Variants in SHH observed in about 807,000 individuals in gnomAD.
SHH encodes sonic hedgehog signaling molecule.
In SHH, 3 loss-of-function variants were observed where a neutral mutation model predicts 16.6. The observed-to-expected ratio is 0.18, with a 90% CI of 0.08 to 0.47. The LOEUF is 0.47. Ranked by LOEUF, SHH falls within the 20% of genes least tolerant of loss-of-function variation. The probability of loss-of-function intolerance (pLI) is 0.98; values close to 1 mark genes in which losing one functional copy is unlikely to be tolerated. For missense variants in SHH, 499 were observed against 665.0 expected, an observed-to-expected ratio of 0.75 and a Z score of 2.75; for synonymous variants, 351 against 316.2, an observed-to-expected ratio of 1.11 and a Z score of -1.17.
In SHH at chr7:155,803,410, C is replaced by A. The variant is rs911838783; in HGVS notation, c.879G>T (p.Pro293=). The A allele has an allele frequency of 6.6e-7, 1 of 1,519,190 alleles. No individual in the cohort carries two copies. The highest frequency in any genetic ancestry group is 1.4e-5 in the African/African-American group (1 of 70,484). 94.1% of individuals were successfully genotyped at this position (1,519,190 alleles called of 1,614,324 possible). Residue 293 remains proline, a synonymous_variant, in exon 3 of 3, where the codon CCG becomes CCT. Transcript: ENST00000297261. ...GEPEASSGSG[P]PSGGALGPRA... is the part of the protein sequence containing the mutation. The stretch of plus-strand genomic sequence containing the variant: ...GAGGCCCCAGTGCGCCCCCGGAAGG[C>A]GGCCCCGAGCCCGAGGACGCCTCGG...
At position 155,806,422 on chromosome 7, in the gene SHH, C is replaced by G. The variant is rs1273765648; in HGVS notation, c.436G>C (p.Val146Leu). The G allele has an allele frequency of 6.2e-7, 1 of 1,613,844 alleles. No individual in the cohort carries two copies. Among genetic ancestry groups the G allele is most frequent in the African/African-American group, 1.3e-5 (1 of 75,068 alleles). The change falls in exon 2 of 3, where the codon GTG (valine) becomes CTG (leucine). Residue 146 changes from valine to leucine, a missense_variant. Physicochemically the swap from Val to Leu is conservative, Grantham distance 32 (BLOSUM62 1). This residue lies in a region of SHH where 114 missense variants were observed against 200.4 expected (regional missense o/e 0.57). Transcript: ENST00000297261. The part of the protein sequence containing the change: ...EESLHYEGRA[V>L]DITTSDRDRS... Reference sequence around the variant, plus strand: ...TCGCGGTCAGACGTGGTGATGTCCACTGCGCGGCCCTCGTAGTGCAGAGAC... The same window carrying G: ...TCGCGGTCAGACGTGGTGATGTCCAGTGCGCGGCCCTCGTAGTGCAGAGAC...
chr7:155,810,170 C>A (rs974781921), intron 1 of SHH, among the ~76,000 whole-genome samples: 9 of 152,240 alleles, frequency 5.9e-5, no homozygotes, highest in African/African-American at 2.2e-4. Flanking sequence ...CCTCGCTGCG[C>A]GGCTCTGTGC....
chr7:155,811,653 C>G (rs908587662), intron 1 of SHH, among the ~76,000 whole-genome samples, 170 bp downstream of exon 1: 12 of 152,246 alleles, frequency 7.9e-5, no homozygotes, highest in African/African-American at 2.9e-4. Context: ...GACCTCCATT[C>G]TCCTCCAGGA....
chr7:155,804,724 G>C (rs1395348714), intron 2 of SHH, among the ~76,000 whole-genome samples: 1 of 152,126 alleles, frequency 6.6e-6, no homozygotes, highest in African/African-American at 2.4e-5. Context: ...GCCCTCTGTC[G>C]CTCTCTGAGG....
Position 155,803,034 on chromosome 7 carries a change from C to T in SHH, c.1255G>A (p.Gly419Ser), listed in dbSNP as rs779005415. ...CCCGCACCCGGAGCGTCGGCAGCAC[C>T]TGGAGCGGTTAGGGCTACTCTGCCG... ...GGGRVALTAPGAADAPGAGAT... is the reference protein window; with the variant it reads ...GGGRVALTAPSAADAPGAGAT... The change falls in exon 3 of 3, where the codon GGT becomes AGT. Residue 419 changes from glycine (G) to serine (S), a missense_variant. Gly to Ser is a moderately conservative substitution (Grantham distance 56). Around this residue, in one of 4 missense-constraint regions of SHH, gnomAD observed 299 missense variants for 301.1 expected, o/e 0.99. Coordinates refer to ENST00000297261, the MANE Select transcript of SHH (RefSeq NM_000193.4). 1 of 1,559,998 alleles carries T rather than the reference C, an allele frequency of 6.4e-7. No homozygotes were observed. The highest frequency in any genetic ancestry group is 1.2e-5 in the South Asian group (1 of 83,954).
rs757410101 is a variant in SHH, at chr7:155,803,397, C to A, written c.892G>T (p.Ala298Ser). The A allele has an allele frequency of 3.3e-6, 5 of 1,505,798 alleles. No individual in the cohort carries two copies. The highest frequency in any genetic ancestry group is 4.4e-6 in the Non-Finnish European group (5 of 1,135,942). The allele number at this position is 1,505,798 out of a possible 1,614,324, so 93.3% of individuals were successfully genotyped here. A position where few individuals can be genotyped will look rare whatever the true frequency, so the allele number is the denominator to read the frequency against. ...SSGSGPPSGG[A>S]LGPRALFASR... ...GCGAACAGCGCCCGAGGCCCCAGTG[C>A]GCCCCCGGAAGGCGGCCCCGAGCCC... The change falls in exon 3 of 3, where the codon GCA becomes TCA. Residue 298 changes from alanine (A) to serine (S), a missense_variant. Physicochemically the swap from Ala to Ser is moderately conservative, Grantham distance 99. Around this residue, in one of 4 missense-constraint regions of SHH, gnomAD observed 299 missense variants for 301.1 expected, o/e 0.99. Transcript: ENST00000297261.
At position 155,809,971 on chromosome 7, in the gene SHH, GC is replaced by G. The variant is rs2117148015; in HGVS notation, c.300+1851del. ...GATGCGCCCCGGCCCCTGCGCGGGC[GC>G]CCCCATCTCCGCGCCCCCGCCGCCG... is the stretch of plus-strand genomic sequence containing the variant. On this transcript the variant is annotated intron_variant, in intron 1 of 2. Transcript: ENST00000297261. This position sits in a 1 kb window ranked among gnomAD's most constrained non-coding sequence, Gnocchi z 6.1. Among the ~76,000 whole-genome samples the G allele has an allele frequency of 6.6e-6, 1 of 151,872 alleles. No homozygotes were observed. The highest frequency in any genetic ancestry group is 2.1e-4 in the South Asian group (1 of 4,830).
chr7:155,802,855 G>A lies in SHH; in HGVS notation c.*45C>T. On this transcript the variant is annotated 3_prime_UTR_variant, in exon 3 of 3. Transcript: ENST00000297261. ...CTTTTTGCTTTGCGTTGCTGTTGCT[G>A]CCCCGCCCCGCCCCCTCCCGCGCCC... is the stretch of plus-strand genomic sequence containing the variant. The A allele has an allele frequency of 2.9e-6, 2 of 683,310 alleles. No individual in the cohort carries two copies. Among genetic ancestry groups the A allele is most frequent in the Non-Finnish European group, 2.2e-6 (1 of 452,516 alleles). 42.3% of individuals were successfully genotyped at this position (683,310 alleles called of 1,614,324 possible).
rs867876758 is a variant in SHH, at chr7:155,803,238, G to A, written c.1051C>T (p.Gln351Ter). 6.6e-7 allele frequency: 1 copy of A among 1,520,840 alleles called. No individual in the cohort carries two copies. Among genetic ancestry groups the A allele is most frequent in the Non-Finnish European group, 8.8e-7 (1 of 1,141,644 alleles). The allele number at this position is 1,520,840 out of a possible 1,614,324, so 94.2% of individuals were successfully genotyped here. The change falls in exon 3 of 3, where the codon CAG (glutamine) becomes TAG (stop). Residue 351 changes from glutamine to a stop codon, truncating the protein, a stop_gained. Coordinates refer to ENST00000297261, the MANE Select transcript of SHH (RefSeq NM_000193.4). LOFTEE classifies it low-confidence loss of function (END_TRUNC). Reference sequence around the variant, plus strand: ...ACCCGGTTGATGAGAATGGTGCCCTGGGCCGTGAGCGGCGCGTAGGCGCCC... The same window carrying A: ...ACCCGGTTGATGAGAATGGTGCCCTAGGCCGTGAGCGGCGCGTAGGCGCCC... ...AAGAYAPLTA[Q>*]GTILINRVLA...
At position 155,803,341 on chromosome 7, in the gene SHH, G is replaced by A. The variant is rs1803249690; in HGVS notation, c.948C>T (p.Tyr316=). 1.4e-6 allele frequency: 2 copies of A among 1,473,768 alleles called. No homozygotes were observed. The highest frequency in any genetic ancestry group is 1.8e-6 in the Non-Finnish European group (2 of 1,121,088). 91.3% of individuals were successfully genotyped at this position (1,473,768 alleles called of 1,614,324 possible). A position where few individuals can be genotyped will look rare whatever the true frequency, so the allele number is the denominator to read the frequency against. ...GGTCCCCGTCACGCTCGGCCACCAC[G>A]TACACGCGCTGGCCCGGGCGCACGC... ...ASRVRPGQRV[Y]VVAERDGDRR... is the part of the protein sequence containing the mutation. Residue 316 remains tyrosine, a synonymous_variant, in exon 3 of 3, where the codon TAC becomes TAT. Transcript: ENST00000297261.
In SHH at chr7:155,812,267, GC is replaced by G; in HGVS notation, c.-146del. ...CCGCTCGCTCTCTCCCTCGCTGGCT[GC>G]CTCGCTCTTTCTCTTCCTATATAAC... On this transcript the variant is annotated 5_prime_UTR_variant, in exon 1 of 3. Coordinates refer to ENST00000297261, the MANE Select transcript of SHH (RefSeq NM_000193.4). The G allele has an allele frequency of 1.3e-6, 1 of 784,140 alleles. No homozygotes were observed. The highest frequency in any genetic ancestry group is 2.2e-6 in the Non-Finnish European group (1 of 460,442). 48.6% of individuals were successfully genotyped at this position (784,140 alleles called of 1,614,324 possible). A position where few individuals can be genotyped will look rare whatever the true frequency, so the allele number is the denominator to read the frequency against.
At chr7:155,803,810 C>G (rs1302085645) in intron 2 of SHH, 84 bp from the exon 3 acceptor site, 8 of 1,235,592 alleles carry the variant, frequency 6.5e-6, no homozygotes, top group Non-Finnish European at 1.1e-6. Context: ...AGGGCGCACG[C>G]TTGGTGCCCG....
At position 155,812,293 on chromosome 7, in the gene SHH, C is replaced by T; in HGVS notation, c.-171G>A. On this transcript the variant is annotated 5_prime_UTR_variant, in exon 1 of 3. Transcript: ENST00000297261. The stretch of plus-strand genomic sequence containing the variant: ...CCTCGCTCTTTCTCTTCCTATATAA[C>T]CTTGCCCGCCGCGGCTGCGGGGGAC... 3.0e-6 allele frequency: 2 copies of T among 672,910 alleles called. No individual in the cohort carries two copies. Among genetic ancestry groups the T allele is most frequent in the Admixed American group, 4.5e-5 (2 of 44,464 alleles). The allele number at this position is 672,910 out of a possible 1,614,324, so 41.7% of individuals were successfully genotyped here. A position where few individuals can be genotyped will look rare whatever the true frequency, so the allele number is the denominator to read the frequency against.
chr7:155,806,946 T>TC, intron 1 of SHH: 6 of 248,546 alleles, frequency 2.4e-5, no homozygotes, highest in East Asian at 9.2e-5. Context: ...CGCCCCCACG[T>TC]TGCCCTCCAC....
In SHH at chr7:155,807,808, T is replaced by C. The variant is rs1416202165; in HGVS notation, c.301-1251A>G. 1.3e-5 allele frequency among the ~76,000 whole-genome samples: 2 copies of C among 151,792 alleles called. No individual in the cohort carries two copies. The highest frequency in any genetic ancestry group is 2.4e-5 in the African/African-American group (1 of 41,302). On this transcript the variant is annotated intron_variant, in intron 1 of 2. Coordinates refer to ENST00000297261, the MANE Select transcript of SHH (RefSeq NM_000193.4). This position sits in a 1 kb window ranked among gnomAD's most constrained non-coding sequence, Gnocchi z 7.1. Reference sequence around the variant, plus strand: ...GCCAAGTGGAGGCCGAGGGGCAATTTCAAGGTGACTTCTGCAGAGGGCGGG... The same window carrying C: ...GCCAAGTGGAGGCCGAGGGGCAATTCCAAGGTGACTTCTGCAGAGGGCGGG...
In SHH at chr7:155,802,998, C is replaced by T; in HGVS notation, c.1291G>A (p.Gly431Ser). 1.3e-6 allele frequency: 2 copies of T among 1,567,456 alleles called. No individual in the cohort carries two copies. Among genetic ancestry groups the T allele is most frequent in the Non-Finnish European group, 1.7e-6 (2 of 1,158,854 alleles). ...ADAPGAGATA[G>S]IHWYSQLLYQ... ...AGCAGCTGCGAGTACCAGTGGATGC[C>T]CGCGGTGGCCCCCGCACCCGGAGCG... Residue 431 changes from glycine (G) to serine (S), a missense_variant, in exon 3 of 3, where the codon GGC (glycine) becomes AGC (serine). Gly to Ser is a moderately conservative substitution (Grantham distance 56, BLOSUM62 0). Transcript: ENST00000297261.
chr7:155,808,605 C>T (rs1321838225), intron 1 of SHH, among the ~76,000 whole-genome samples: 1 of 152,214 alleles, frequency 6.6e-6, no homozygotes, highest in Non-Finnish European at 1.5e-5. Flanking sequence ...GCCCGGGCTC[C>T]GCGCGGCCTC....
chr7:155,808,271 G>A (rs1335314184), intron 1 of SHH, among the ~76,000 whole-genome samples: 1 of 152,218 alleles, frequency 6.6e-6, no homozygotes. Flanking sequence ...GAGCTATGAT[G>A]TGAGGCCCGT....
At chr7:155,811,579 A>G (rs1330987278) in intron 1 of SHH, among the ~76,000 whole-genome samples, 2 of 152,122 alleles carry the variant, frequency 1.3e-5, no homozygotes, top group African/African-American at 4.8e-5. Flanking sequence ...TCAGGGCCAT[A>G]ATGAACCACG....
Sources: allele counts gnomAD v4.1 joint callset (sites outside exome capture counted in the v4.1 genomes callset), GRCh38; gene constraint gnomAD v4.1.1; regional missense constraint gnomAD v4.1.1; non-coding constraint Gnocchi (gnomAD v3.1); transcripts MANE v1.5; gene names NCBI Gene and HGNC (gene_info 2026-07-23, HGNC 2026-07-21).